Variants in LPP observed in about 807,000 individuals in gnomAD.
LPP encodes the protein LIM domain containing preferred translocation partner in lipoma.
LPP carries 38 observed loss-of-function variants against 60.4 expected under a neutral mutation model. The ratio of observed to expected loss-of-function variants is 0.63; its 90% CI spans 0.49 to 0.83. The LOEUF is 0.83. Among genes scored for constraint, LPP ranks in the 40% least tolerant of loss-of-function variants. The pLI, the probability that LPP is intolerant of heterozygous loss-of-function variation, is 0.00. For synonymous variants in LPP, 328 were observed against 290.8 expected (o/e 1.13, Z -1.30); for missense variants, 902 against 783.6 (o/e 1.15, Z -1.80).
At chr3:188,667,158 G>A (rs1356140951) in intron 7 of LPP, among the ~76,000 whole-genome samples, 4 of 152,132 alleles carry the variant, frequency 2.6e-5, no homozygotes, top group Admixed American at 6.5e-5. Context: ...TCAGGCACAA[G>A]GTGGAAGGAT....
intron 9 of LPP, among the ~76,000 whole-genome samples, chr3:188,824,820 G>C (rs879304274): frequency 2.0e-5 from 3 of 152,066 alleles, no homozygotes; most frequent in African/African-American, 7.2e-5. Context: ...TCTGAGTTCC[G>C]AAGTGAAATC....
intron 4 of LPP, among the ~76,000 whole-genome samples, chr3:188,414,334 A>G (rs909235659): frequency 2.0e-5 from 3 of 152,282 alleles, no homozygotes; most frequent in Admixed American, 6.5e-5. Context: ...GCTCAAAGGA[A>G]ATGCTCACAG....
At chr3:188,199,790 C>T (rs993741066) in intron 1 of LPP, among the ~76,000 whole-genome samples, 13 of 151,766 alleles carry the variant, frequency 8.6e-5, no homozygotes, top group Admixed American at 8.5e-4. Context: ...TCTTGGCTCA[C>T]TGCAACCTCC....
intron 7 of LPP, among the ~76,000 whole-genome samples, chr3:188,614,221 T>G (rs1468211111): frequency 6.6e-6 from 1 of 151,878 alleles, no homozygotes; most frequent in Non-Finnish European, 1.5e-5. Context: ...GATCCCACCA[T>G]GCCCAGCCTG....
intron 6 of LPP, among the ~76,000 whole-genome samples, chr3:188,566,186 C>T (rs768564701): frequency 8.6e-5 from 13 of 151,874 alleles, no homozygotes; most frequent in Non-Finnish European, 1.6e-4. Flanking sequence ...TTCCCTTGCA[C>T]GATTACAAGA....
intron 3 of LPP, among the ~76,000 whole-genome samples, chr3:188,404,675 T>C (rs1248393761): frequency 6.6e-6 from 1 of 152,208 alleles, no homozygotes; most frequent in Non-Finnish European, 1.5e-5. Flanking sequence ...CTCCACCCTG[T>C]CTCTCTATTA....
intron 4 of LPP, among the ~76,000 whole-genome samples, chr3:188,453,512 A>T (rs1797066979): frequency 6.6e-6 from 1 of 151,930 alleles, no homozygotes; most frequent in African/African-American, 2.4e-5. Context: ...TCTCCTTCCG[A>T]CGGGATCTGC....
intron 2 of LPP, among the ~76,000 whole-genome samples, chr3:188,298,389 C>A (rs921439476): frequency 6.6e-5 from 10 of 152,116 alleles, no homozygotes; most frequent in Admixed American, 1.3e-4. Context: ...AGCCTGGCTA[C>A]CCCATTGCTT....
At chr3:188,656,008 G>A (rs867644264) in intron 7 of LPP, among the ~76,000 whole-genome samples, 11 of 151,968 alleles carry the variant, frequency 7.2e-5, no homozygotes, top group South Asian at 6.3e-4. Flanking sequence ...TGACCAACAC[G>A]GTGAAACCCC....
At chr3:188,639,078 A>G (rs2148723108) in intron 7 of LPP, among the ~76,000 whole-genome samples, 1 of 151,762 alleles carries the variant, frequency 6.6e-6, no homozygotes, top group South Asian at 2.1e-4. Context: ...AGCCAAAAGA[A>G]CAAAGCTGGA....
intron 2 of LPP, among the ~76,000 whole-genome samples, chr3:188,322,600 T>A (rs1340333294): frequency 6.6e-6 from 1 of 152,210 alleles, no homozygotes; most frequent in Non-Finnish European, 1.5e-5. Flanking sequence ...GAGTTTTAAG[T>A]AATATTTGCA....
intron 7 of LPP, among the ~76,000 whole-genome samples, chr3:188,628,508 A>T (rs1170737926): frequency 6.6e-6 from 1 of 152,160 alleles, no homozygotes; most frequent in Non-Finnish European, 1.5e-5. Context: ...GAAGAAATGA[A>T]TAAATTCCTG....
Position 188,708,300 on chromosome 3 carries a change from G to T in LPP, c.1147G>T (p.Val383Phe). Reference protein sequence around the residue: ...GHSGQLGPSSVAPSFRPEDEL... With the variant: ...GHSGQLGPSSFAPSFRPEDEL... ...TTCAGGGCAACTGGGGCCTTCGTCA[G>T]TTGCCCCTTCATTCCGCCCAGAGGA... Residue 383 changes from valine to phenylalanine, a missense_variant, in exon 8 of 12, where the codon GTT (valine) becomes TTT (phenylalanine). Physicochemically the swap from Val to Phe is conservative, Grantham distance 50. Transcript: ENST00000617246. 1.9e-6 allele frequency: 3 copies of T among 1,614,166 alleles called. No homozygotes were observed. The highest frequency in any genetic ancestry group is 2.5e-6 in the Non-Finnish European group (3 of 1,180,008).
chr3:188,571,871 C>T (rs1253496697), intron 6 of LPP, among the ~76,000 whole-genome samples: 2 of 152,094 alleles, frequency 1.3e-5, no homozygotes, highest in African/African-American at 4.8e-5. Context: ...GTTCCTCTCA[C>T]ATATGTCATC....
chr3:188,236,195 G>T (rs540700856), intron 2 of LPP, among the ~76,000 whole-genome samples: 1 of 152,074 alleles, frequency 6.6e-6, no homozygotes, highest in East Asian at 1.9e-4. Context: ...GGCAAAAGCC[G>T]CAATTACATT....
At chr3:188,573,735 T>TC (rs140173239) in intron 6 of LPP, among the ~76,000 whole-genome samples, 48,017 of 151,810 alleles carry the variant, frequency 0.32, 7,928 homozygotes, top group Middle Eastern at 0.36. Context: ...CAAACTGTGT[T>TC]CTTGGGGTTG....
At chr3:188,631,632 T>G (rs1399052039) in intron 7 of LPP, among the ~76,000 whole-genome samples, 3 of 152,152 alleles carry the variant, frequency 2.0e-5, no homozygotes, top group Non-Finnish European at 4.4e-5. Flanking sequence ...TCTCTATGCA[T>G]TTTACTCCTG....
chr3:188,591,955 A>G (rs1028541332), intron 6 of LPP, among the ~76,000 whole-genome samples: 4 of 152,208 alleles, frequency 2.6e-5, no homozygotes, highest in Non-Finnish European at 5.9e-5. Flanking sequence ...TCTGATACAC[A>G]TGAGAAGTGT....
intron 4 of LPP, among the ~76,000 whole-genome samples, chr3:188,467,718 C>T (rs11712011): frequency 0.17 from 25,493 of 151,996 alleles, 2,373 homozygotes; most frequent in East Asian, 0.27. Context: ...AAAAACTTAA[C>T]GTGTCTTTGC....
Sources: allele counts gnomAD v4.1 joint callset (sites outside exome capture counted in the v4.1 genomes callset), GRCh38; gene constraint gnomAD v4.1.1; transcripts MANE v1.5; gene names NCBI Gene and HGNC (gene_info 2026-07-23, HGNC 2026-07-21).